Variants in RASSF3 observed in about 807,000 individuals in gnomAD.
The protein encoded by RASSF3 is Ras association domain family member 3.
A neutral mutation model predicts 19.9 loss-of-function variants in RASSF3; 19 were observed. That is an observed-to-expected ratio of 0.96 (90% CI 0.67 to 1.40). The LOEUF (loss-of-function observed/expected upper bound fraction) is 1.40. RASSF3 is among the 40% of genes most tolerant of loss of function. The pLI, the probability that RASSF3 is intolerant of heterozygous loss-of-function variation, is 0.00. For missense variants in RASSF3, 306 were observed against 289.8 expected (o/e 1.06, Z -0.41); for synonymous variants, 110 against 104.2 (o/e 1.06, Z -0.34).
At chr12:64,676,166 ATTTTTTTTTTT>A (rs35376691) in intron 1 of RASSF3, among the ~76,000 whole-genome samples, 2 of 106,404 alleles carry the variant, frequency 1.9e-5, no homozygotes, top group African/African-American at 7.1e-5. Flanking sequence ...CAGGAGTAGA[ATTTTTTTTTTT>A]TTTTTTTTTT....
At chr12:64,591,082 G>C (rs1220358864) in intron 2 of RASSF3, among the ~76,000 whole-genome samples, 1 of 152,050 alleles carries the variant, frequency 6.6e-6, no homozygotes, top group Non-Finnish European at 1.5e-5. Flanking sequence ...CATTAATTCT[G>C]GTCCCACCTG....
chr12:64,586,222 G>T (rs1869796318), intron 2 of RASSF3, among the ~76,000 whole-genome samples: 1 of 151,904 alleles, frequency 6.6e-6, no homozygotes, highest in Non-Finnish European at 1.5e-5. Context: ...TACTTGAGAG[G>T]CTGAGGCAGG....
At chr12:64,667,147 T>A (rs560290607) in intron 1 of RASSF3, among the ~76,000 whole-genome samples, 79 of 152,286 alleles carry the variant, frequency 5.2e-4, no homozygotes, top group African/African-American at 1.8e-3. Flanking sequence ...TTCCTCTGCA[T>A]TGGGAATTTC....
intron 1 of RASSF3, among the ~76,000 whole-genome samples, chr12:64,671,117 C>T (rs556827788): frequency 6.6e-6 from 1 of 152,318 alleles, no homozygotes; most frequent in East Asian, 1.9e-4. Flanking sequence ...GGGACTCTCC[C>T]TTTGCCCCAT....
At chr12:64,606,189 G>A (rs1870190053), upstream of RASSF3, among the ~76,000 whole-genome samples, 1 of 152,184 alleles carries the variant, frequency 6.6e-6, no homozygotes, top group African/African-American at 2.4e-5. Flanking sequence ...GGTCAGGTCT[G>A]TGAGACCTGT....
At chr12:64,612,675 C>G (rs1870411456) in intron 1 of RASSF3, among the ~76,000 whole-genome samples, 1 of 151,936 alleles carries the variant, frequency 6.6e-6, no homozygotes, top group African/African-American at 2.4e-5. Context: ...GGGATTTAAC[C>G]ATGTTGGCCA....
intron 1 of RASSF3, among the ~76,000 whole-genome samples, chr12:64,516,543 C>T (rs1326186833): frequency 2.0e-5 from 3 of 147,202 alleles, no homozygotes; most frequent in East Asian, 2.0e-4. Context: ...GGCGTGAACC[C>T]GGGAGGCGGA....
At chr12:64,577,015 TA>T (rs1301313258) in intron 2 of RASSF3, among the ~76,000 whole-genome samples, 1 of 152,076 alleles carries the variant, frequency 6.6e-6, no homozygotes, top group Non-Finnish European at 1.5e-5. Flanking sequence ...AAATAAAAAA[TA>T]GTTGTCTAGG....
chr12:64,542,474 A>G (rs1868950446), downstream of RASSF3, among the ~76,000 whole-genome samples: 1 of 152,246 alleles, frequency 6.6e-6, no homozygotes, highest in Non-Finnish European at 1.5e-5. Flanking sequence ...TTCTCACTCT[A>G]TTCTCCTGGT....
chr12:64,549,462 ATTT>A (rs1262311653), intron 2 of RASSF3, among the ~76,000 whole-genome samples: 2 of 152,170 alleles, frequency 1.3e-5, no homozygotes, highest in Non-Finnish European at 2.9e-5. Flanking sequence ...ACACACTCAG[ATTT>A]TTAATTATAG....
rs557898829 is a variant in RASSF3, at chr12:64,688,208, T to G, written c.220-8T>G. 5 of 1,605,742 alleles carry G rather than the reference T, an allele frequency of 3.1e-6. No homozygotes were observed. Among genetic ancestry groups the G allele is most frequent in the Non-Finnish European group, 4.3e-6 (5 of 1,172,318 alleles). On this transcript the variant is annotated splice_region_variant and splice_polypyrimidine_tract_variant and intron_variant, in intron 2 of 4. Coordinates refer to ENST00000542104, the MANE Select transcript of RASSF3 (RefSeq NM_178169.4). Reference sequence around the variant, plus strand: ...CCAGCTAAGTGTGTGCTTCTCTCCCTGCTTCAGAATTCAAATGGGATTTAC... The same window carrying G: ...CCAGCTAAGTGTGTGCTTCTCTCCCGGCTTCAGAATTCAAATGGGATTTAC...
chr12:64,600,254 C>T (rs1485627267), intron 2 of RASSF3, among the ~76,000 whole-genome samples: 1 of 152,012 alleles, frequency 6.6e-6, no homozygotes, highest in Admixed American at 6.6e-5. Context: ...CCAGGAGTTC[C>T]AGACCAGGCT....
At chr12:64,507,674 G>C in intron 1 of RASSF3, among the ~76,000 whole-genome samples, 1 of 152,088 alleles carries the variant, frequency 6.6e-6, no homozygotes, top group South Asian at 2.1e-4. Flanking sequence ...ACTTGTCTTA[G>C]TACTAAAACA....
At chr12:64,584,122 C>T (rs1034928787) in intron 2 of RASSF3, among the ~76,000 whole-genome samples, 2 of 152,186 alleles carry the variant, frequency 1.3e-5, no homozygotes, top group African/African-American at 2.4e-5. Flanking sequence ...CGTTTCCTTC[C>T]TCTGATTATA....
chr12:64,561,498 C>G, intron 2 of RASSF3, among the ~76,000 whole-genome samples: 1 of 151,996 alleles, frequency 6.6e-6, no homozygotes, highest in East Asian at 1.9e-4. Context: ...AAAATTGCTC[C>G]CCCACCACCT....
intron 1 of RASSF3, among the ~76,000 whole-genome samples, chr12:64,674,839 G>A (rs371531661): frequency 2.6e-5 from 4 of 152,104 alleles, no homozygotes; most frequent in Non-Finnish European, 4.4e-5. Flanking sequence ...AGGGCAGTAC[G>A]TAGTGAGAGG....
chr12:64,554,282 G>T (rs184941092), intron 2 of RASSF3, among the ~76,000 whole-genome samples: 2 of 152,150 alleles, frequency 1.3e-5, no homozygotes, highest in African/African-American at 4.8e-5. Context: ...AAATTCAGTA[G>T]ATTGAAATGT....
Position 64,688,268 on chromosome 12 carries a change from A to G in RASSF3, c.272A>G (p.Lys91Arg). 1.2e-6 allele frequency: 2 copies of G among 1,614,176 alleles called. No individual in the cohort carries two copies. Among genetic ancestry groups the G allele is most frequent in the Non-Finnish European group, 1.7e-6 (2 of 1,180,004 alleles). Reference sequence around the variant, plus strand: ...ATTAAAGTACAGATGGAACTCTGCAAACCTCCACAGACTTCTCCAAATTCT... The same window carrying G: ...ATTAAAGTACAGATGGAACTCTGCAGACCTCCACAGACTTCTCCAAATTCT... ...GFIKVQMELCKPPQTSPNSGK... is the reference protein window; with the variant it reads ...GFIKVQMELCRPPQTSPNSGK... The change falls in exon 3 of 5, where the codon AAA (lysine) becomes AGA (arginine). Residue 91 changes from lysine (K) to arginine (R), a missense_variant. Physicochemically the swap from Lys to Arg is conservative, Grantham distance 26. Transcript: ENST00000542104.
At chr12:64,637,773 G>A (rs1871372184) in intron 1 of RASSF3, among the ~76,000 whole-genome samples, 1 of 151,558 alleles carries the variant, frequency 6.6e-6, no homozygotes, top group African/African-American at 2.4e-5. Context: ...GTGTGTGTAT[G>A]TGACTGGGCT....
Sources: allele counts gnomAD v4.1 joint callset (sites outside exome capture counted in the v4.1 genomes callset), GRCh38; gene constraint gnomAD v4.1.1; transcripts MANE v1.5; gene names NCBI Gene and HGNC (gene_info 2026-07-23, HGNC 2026-07-21).